The following CEP112 variants were observed in gnomAD, a reference collection of about 807,000 sequenced individuals.
CEP112 encodes centrosomal protein of 112 kDa.
CEP112 carries 127 observed loss-of-function variants against 153.0 expected under a neutral mutation model. The observed-to-expected ratio is 0.83, with a 90% CI of 0.72 to 0.96. CEP112 has a LOEUF of 0.96. Ranked by LOEUF, CEP112 falls within the 40% of genes least tolerant of loss-of-function variation. CEP112 has a pLI of 0.00. For missense variants in CEP112, 1,089 were observed against 1,101.2 expected (o/e 0.99, Z 0.16); for synonymous variants, 358 against 374.4 (o/e 0.96, Z 0.51).
chr17:65,648,083 G>A (rs946282693), intron 24 of CEP112, among the ~76,000 whole-genome samples: 5 of 152,138 alleles, frequency 3.3e-5, no homozygotes, highest in Admixed American at 2.0e-4. Flanking sequence ...AGTGAGTGAT[G>A]TCTATTAAAC....
chr17:65,934,163 T>C (rs2061226409), intron 18 of CEP112, among the ~76,000 whole-genome samples: 1 of 152,088 alleles, frequency 6.6e-6, no homozygotes, highest in South Asian at 2.1e-4. Flanking sequence ...CACTACAGCC[T>C]GGGTGACAGA....
At chr17:65,850,392 C>T (rs1054902051) in intron 21 of CEP112, among the ~76,000 whole-genome samples, 3 of 151,954 alleles carry the variant, frequency 2.0e-5, no homozygotes, top group African/African-American at 7.3e-5. Context: ...GTGACTGTTC[C>T]ACCCTACTTC....
chr17:66,099,605 G>A (rs928079788), intron 6 of CEP112, among the ~76,000 whole-genome samples: 2 of 151,856 alleles, frequency 1.3e-5, no homozygotes, highest in African/African-American at 4.8e-5. Context: ...AGCAGAGGAG[G>A]AGGGCTGTCC....
At chr17:65,853,314 A>G (rs1194094303) in intron 20 of CEP112, among the ~76,000 whole-genome samples, 2 of 151,350 alleles carry the variant, frequency 1.3e-5, no homozygotes, top group African/African-American at 4.9e-5. Context: ...CTTCAGATGG[A>G]TTTGTTCTCT....
intron 23 of CEP112, among the ~76,000 whole-genome samples, chr17:65,722,972 T>C (rs1295212957): frequency 6.6e-6 from 1 of 152,210 alleles, no homozygotes; most frequent in Non-Finnish European, 1.5e-5. Flanking sequence ...ATATCCATTG[T>C]CTAGCTGGGA....
At chr17:65,956,749 C>T (rs1463541797) in intron 18 of CEP112, among the ~76,000 whole-genome samples, 1 of 151,842 alleles carries the variant, frequency 6.6e-6, no homozygotes, top group Non-Finnish European at 1.5e-5. Context: ...TGTAACCAAG[C>T]ACCACCTGTG....
chr17:65,707,540 G>A (rs1173029000), intron 23 of CEP112, among the ~76,000 whole-genome samples: 1 of 152,150 alleles, frequency 6.6e-6, no homozygotes, highest in Non-Finnish European at 1.5e-5. Context: ...CCTACAAGGT[G>A]TGGCTTCCAC....
chr17:66,112,438 T>A (rs573198908), intron 6 of CEP112, among the ~76,000 whole-genome samples: 1 of 123,844 alleles, frequency 8.1e-6, no homozygotes, highest in South Asian at 3.6e-4. Context: ...TACTTAGAAA[T>A]ATAAAAAATA....
chr17:66,148,445 G>A (rs2071018230), intron 4 of CEP112, among the ~76,000 whole-genome samples: 1 of 152,062 alleles, frequency 6.6e-6, no homozygotes, highest in Non-Finnish European at 1.5e-5. Context: ...GATTATCTTG[G>A]GTAGTATTAA....
chr17:66,024,840 C>A (rs142514432), intron 16 of CEP112, among the ~76,000 whole-genome samples: 457 of 152,128 alleles, frequency 3.0e-3, no homozygotes, highest in African/African-American at 0.011. Flanking sequence ...AGAGCCAAAG[C>A]AGTCCAAAGC....
At chr17:65,985,483 G>C (rs898133255) in intron 17 of CEP112, among the ~76,000 whole-genome samples, 1 of 152,146 alleles carries the variant, frequency 6.6e-6, no homozygotes, top group African/African-American at 2.4e-5. Flanking sequence ...AGGACCACTT[G>C]TCAGTCTAAA....
At chr17:66,107,759 A>G (rs2068847229) in intron 6 of CEP112, among the ~76,000 whole-genome samples, 2 of 152,164 alleles carry the variant, frequency 1.3e-5, no homozygotes, top group African/African-American at 2.4e-5. Flanking sequence ...CTGTAAAAAT[A>G]CCAACAACAT....
At chr17:66,047,287 T>A (rs11079635) in intron 12 of CEP112, among the ~76,000 whole-genome samples, 62,246 of 151,706 alleles carry the variant, frequency 0.41, 14,224 homozygotes, top group East Asian at 0.87. Flanking sequence ...CGGCTAATTT[T>A]TGTATTTTGA....
intron 6 of CEP112, among the ~76,000 whole-genome samples, chr17:66,106,318 T>C (rs1280834357): frequency 6.6e-6 from 1 of 151,356 alleles, no homozygotes; most frequent in African/African-American, 2.4e-5. Context: ...CAGAAATAAA[T>C]GAAATGAAAA....
intron 20 of CEP112, among the ~76,000 whole-genome samples, chr17:65,871,508 G>A (rs2058669538): frequency 1.3e-5 from 2 of 152,204 alleles, no homozygotes; most frequent in Admixed American, 1.3e-4. Flanking sequence ...GGTGGCAGGC[G>A]CCTATAGTCC....
At chr17:65,805,453 G>A (rs1004264557) in intron 21 of CEP112, among the ~76,000 whole-genome samples, 5 of 152,178 alleles carry the variant, frequency 3.3e-5, no homozygotes, top group Admixed American at 1.3e-4. Flanking sequence ...GGATAACAAT[G>A]TGGGGTAGAT....
Position 65,743,064 on chromosome 17 carries a change from T to C in CEP112, c.2607+4A>G. On this transcript the variant is annotated splice_donor_region_variant and intron_variant, in intron 23 of 26. Coordinates refer to ENST00000535342, the MANE Select transcript of CEP112 (RefSeq NM_001199165.4). ...ACCACTGGTTACTGAAGTCTTCAGA[T>C]TACCTTGATTGCTTGGTCATTATCT... 3 of 1,603,268 alleles carry C rather than the reference T, an allele frequency of 1.9e-6. No individual in the cohort carries two copies. The highest frequency in any genetic ancestry group is 2.6e-6 in the Non-Finnish European group (3 of 1,175,516).
chr17:66,186,415 C>T (rs556000741), intron 1 of CEP112, among the ~76,000 whole-genome samples: 158 of 152,238 alleles, frequency 1.0e-3, no homozygotes, highest in African/African-American at 3.6e-3. Flanking sequence ...GATTCTCCTG[C>T]CTCAGCCTCC....
chr17:65,712,390 A>G (rs1262546474), intron 23 of CEP112, among the ~76,000 whole-genome samples: 1 of 151,462 alleles, frequency 6.6e-6, no homozygotes, highest in East Asian at 1.9e-4. Flanking sequence ...CTCTAAGGAG[A>G]CTGAAATATT....
Sources: gnomAD v4.1 joint callset for allele counts (sites outside exome capture counted in the v4.1 genomes callset) on GRCh38, gnomAD v4.1.1 for gene constraint, MANE v1.5 for transcripts, NCBI Gene and HGNC (gene_info 2026-07-23, HGNC 2026-07-21) for gene names.